The following ATL1 variants were observed in gnomAD, a reference collection of about 807,000 sequenced individuals.
The protein encoded by ATL1 is atlastin-1.
In ATL1, 31 loss-of-function variants were observed where a neutral mutation model predicts 75.5. The observed-to-expected ratio is 0.41, with a 90% CI of 0.31 to 0.55. The LOEUF is 0.55. ATL1 is among the 20% of genes least tolerant of loss of function. The probability of loss-of-function intolerance (pLI) is 0.27; values close to 1 mark genes in which losing one functional copy is unlikely to be tolerated. For synonymous variants in ATL1, 226 were observed against 233.3 expected (o/e 0.97, Z 0.28); for missense variants, 405 against 662.6 (o/e 0.61, Z 4.27).
chr14:50,567,131 T>A (rs1394218081), intron 1 of ATL1, among the ~76,000 whole-genome samples: 4 of 152,182 alleles, frequency 2.6e-5, no homozygotes, highest in African/African-American at 4.8e-5. Flanking sequence ...TAACTCCTCA[T>A]CCCTCCTCAT....
At chr14:50,609,570 A>G (rs1156802562) in intron 6 of ATL1, among the ~76,000 whole-genome samples, 1 of 151,930 alleles carries the variant, frequency 6.6e-6, no homozygotes, top group Non-Finnish European at 1.5e-5. Flanking sequence ...GGACAAGGAG[A>G]TATGGATATA....
intron 1 of ATL1, among the ~76,000 whole-genome samples, chr14:50,562,098 G>T (rs1033619797): frequency 6.6e-6 from 1 of 151,686 alleles, no homozygotes; most frequent in African/African-American, 2.4e-5. Flanking sequence ...AGGCTGGAGT[G>T]CAGTGGTGCC....
At chr14:50,568,520 A>T (rs2038925674) in intron 1 of ATL1, among the ~76,000 whole-genome samples, 1 of 152,132 alleles carries the variant, frequency 6.6e-6, no homozygotes, top group African/African-American at 2.4e-5. Flanking sequence ...TTTACGTGGA[A>T]TATCTTTTTC....
At chr14:50,546,200 A>G (rs2038629673) in intron 1 of ATL1, among the ~76,000 whole-genome samples, 1 of 152,238 alleles carries the variant, frequency 6.6e-6, no homozygotes, top group Non-Finnish European at 1.5e-5. Flanking sequence ...CTTTACCCCA[A>G]ATTTTTGTCC....
intron 6 of ATL1, among the ~76,000 whole-genome samples, chr14:50,605,091 A>C (rs2039304887): frequency 6.6e-6 from 1 of 152,064 alleles, no homozygotes; most frequent in African/African-American, 2.4e-5. Context: ...ATTTATGATA[A>C]TTTGGAAGGA....
At chr14:50,533,513 A>T (rs1452234753) in intron 1 of ATL1, 2 of 152,164 alleles carry the variant, frequency 1.3e-5, no homozygotes, top group Non-Finnish European at 2.9e-5. Flanking sequence ...AATTTGGCTG[A>T]TATTTCACAA....
chr14:50,575,476 AT>A (rs1016552181), intron 1 of ATL1, among the ~76,000 whole-genome samples: 3 of 151,972 alleles, frequency 2.0e-5, no homozygotes, highest in African/African-American at 7.2e-5. Context: ...ATGAGTTAGT[AT>A]TTTGTTTTTG....
intron 2 of ATL1, among the ~76,000 whole-genome samples, chr14:50,589,214 C>T (rs1319552896): frequency 2.1e-5 from 3 of 139,656 alleles, no homozygotes; most frequent in African/African-American, 8.0e-5. Context: ...GGCTGGAATG[C>T]AGTGGCGCAA....
chr14:50,606,430 GT>G (rs2039317773), intron 6 of ATL1, among the ~76,000 whole-genome samples: 1 of 151,890 alleles, frequency 6.6e-6, no homozygotes, highest in Non-Finnish European at 1.5e-5. Context: ...TTAATCAATA[GT>G]ATGTGCTCAT....
chr14:50,547,899 T>G (rs1305723173), intron 1 of ATL1, among the ~76,000 whole-genome samples: 1 of 152,230 alleles, frequency 6.6e-6, no homozygotes, highest in African/African-American at 2.4e-5. Flanking sequence ...AAAGGATACC[T>G]GCACAACCCC....
At chr14:50,605,176 AT>A (rs879518564) in intron 6 of ATL1, among the ~76,000 whole-genome samples, 150 of 145,788 alleles carry the variant, frequency 1.0e-3, no homozygotes, top group South Asian at 1.5e-3. Flanking sequence ...AAGATTCTTC[AT>A]TTTTTTTTTT....
At chr14:50,617,152 ATT>A in intron 8 of ATL1, among the ~76,000 whole-genome samples, 1 of 152,218 alleles carries the variant, frequency 6.6e-6, no homozygotes, top group African/African-American at 2.4e-5. Flanking sequence ...AAGTATTGCA[ATT>A]ATTATTGTCT....
At chr14:50,550,364 A>T (rs2038687109) in intron 1 of ATL1, among the ~76,000 whole-genome samples, 2 of 152,204 alleles carry the variant, frequency 1.3e-5, no homozygotes, top group African/African-American at 4.8e-5. Context: ...CCTACTGAAC[A>T]TCTGTGTTTG....
At chr14:50,557,705 C>A (rs2038781054), upstream of ATL1, among the ~76,000 whole-genome samples, 1 of 152,098 alleles carries the variant, frequency 6.6e-6, no homozygotes, top group African/African-American at 2.4e-5. Context: ...GTAGATTAAA[C>A]TTATGATTAA....
intron 1 of ATL1, among the ~76,000 whole-genome samples, chr14:50,551,512 C>G (rs1314157454): frequency 1.3e-5 from 2 of 152,064 alleles, no homozygotes; most frequent in Non-Finnish European, 2.9e-5. Context: ...GGAATCCTCC[C>G]TAAATCATTC....
At chr14:50,580,585 A>C (rs974054034) in intron 1 of ATL1, among the ~76,000 whole-genome samples, 15 of 152,142 alleles carry the variant, frequency 9.9e-5, no homozygotes. Flanking sequence ...GATATTTAAA[A>C]AATTTATGTC....
intron 1 of ATL1, among the ~76,000 whole-genome samples, chr14:50,580,038 CTG>C (rs1207151046): frequency 6.6e-6 from 1 of 152,186 alleles, no homozygotes; most frequent in Admixed American, 6.5e-5. Context: ...ATCTACTGCT[CTG>C]TGACTTGTGA....
At position 50,614,609 on chromosome 14, in the gene ATL1, C is replaced by T. The variant is rs1184969406; in HGVS notation, c.862+98C>T. On this transcript the variant is annotated intron_variant, in intron 8 of 13. Transcript: ENST00000358385. Reference sequence around the variant, plus strand: ...TATGGCTGATAGTTTAGTTTATCCACTGATAGGAGGCTGATGATTAGAAAT... The same window carrying T: ...TATGGCTGATAGTTTAGTTTATCCATTGATAGGAGGCTGATGATTAGAAAT... 8.4e-6 allele frequency: 11 copies of T among 1,302,644 alleles called. No homozygotes were observed. In the African/African-American group the frequency reaches 1.5e-4, roughly 17 times the overall value. The allele number at this position is 1,302,644 out of a possible 1,614,324, so 80.7% of individuals were successfully genotyped here. A position where few individuals can be genotyped will look rare whatever the true frequency, so the allele number is the denominator to read the frequency against.
At chr14:50,632,160 T>C in intron 13 of ATL1, 69 bp from the exon 14 acceptor site, 1 of 1,156,440 alleles carries the variant, frequency 8.6e-7, no homozygotes. Flanking sequence ...TACGATAAAC[T>C]AAAAAGGAAA....
Sources: gnomAD v4.1 joint callset for allele counts (sites outside exome capture counted in the v4.1 genomes callset) on GRCh38, gnomAD v4.1.1 for gene constraint, MANE v1.5 for transcripts, NCBI Gene and HGNC (gene_info 2026-07-23, HGNC 2026-07-21) for gene names.